STK32B: variants seen among roughly 807,000 people sequenced by gnomAD.
STK32B encodes serine/threonine-protein kinase 32B.
A neutral mutation model predicts 52.6 loss-of-function variants in STK32B; 43 were observed. The observed-to-expected ratio is 0.82, with a 90% confidence interval of 0.64 to 1.05. The LOEUF is 1.05. Among genes scored for constraint, STK32B ranks in the 50% least tolerant of loss-of-function variants. The pLI, the probability that STK32B is intolerant of heterozygous loss-of-function variation, is 0.00. For missense variants in STK32B, 621 were observed against 534.6 expected (o/e 1.16, Z -1.59); for synonymous variants, 238 against 204.3 (o/e 1.17, Z -1.41).
chr4:5,416,098 T>C (rs1044492535), intron 5 of STK32B, among the ~76,000 whole-genome samples: 9 of 152,322 alleles, frequency 5.9e-5, no homozygotes, highest in East Asian at 5.8e-4. Flanking sequence ...TGGAGTCTTA[T>C]ATGTACCAAA....
chr4:5,159,899 G>C (rs1477467829), intron 2 of STK32B, among the ~76,000 whole-genome samples: 2 of 151,712 alleles, frequency 1.3e-5, no homozygotes, highest in Non-Finnish European at 2.9e-5. Flanking sequence ...GGCTGGAGAC[G>C]CAGGAAGGAG....
chr4:5,041,247 C>T, the STK32B span, among the ~76,000 whole-genome samples: 1 of 152,116 alleles, frequency 6.6e-6, no homozygotes, highest in Admixed American at 6.5e-5. Context: ...CAAATATGTG[C>T]AAGCAGACAA....
At chr4:5,176,444 T>TA (rs1719907789) in intron 3 of STK32B, among the ~76,000 whole-genome samples, 2 of 149,516 alleles carry the variant, frequency 1.3e-5, no homozygotes, top group East Asian at 3.9e-4. Flanking sequence ...TCATCTTTTT[T>TA]TTTTTTTTTT....
At position 5,178,136 on chromosome 4, in the gene STK32B, A is replaced by G. The variant is rs188882645; in HGVS notation, c.260+9686A>G. The stretch of plus-strand genomic sequence containing the variant: ...TCCATAAGGGCTCTGCCCCTGCAGC[A>G]GACTTCTGCTTGGAGATCCAAGTGT... On this transcript the variant is annotated intron_variant, in intron 3 of 11. Coordinates refer to ENST00000282908, the MANE Select transcript of STK32B (RefSeq NM_018401.3). Among the ~76,000 whole-genome samples, 347 of 152,362 alleles carry G rather than the reference A, an allele frequency of 2.3e-3. 4 individuals carry two copies. The highest frequency in any genetic ancestry group is 7.4e-3 in the African/African-American group (307 of 41,594).
intron 3 of STK32B, among the ~76,000 whole-genome samples, chr4:5,324,923 C>T (rs779235305): frequency 6.6e-6 from 1 of 152,192 alleles, no homozygotes; most frequent in Non-Finnish European, 1.5e-5. Context: ...CCCACTAAAT[C>T]CTTGGCTTCT....
Position 5,498,954 on chromosome 4 carries a change from G to T in STK32B, c.1116G>T (p.Arg372Ser). The change falls in exon 12 of 12, where the codon AGG becomes AGT. Residue 372 changes from arginine to serine, a missense_variant. Physicochemically the swap from Arg to Ser is moderately radical, Grantham distance 110 (BLOSUM62 -1). Coordinates refer to ENST00000282908, the MANE Select transcript of STK32B (RefSeq NM_018401.3). ...CTGTGCTTGTTTGCAGGCTCAGGAGGCAGCAGGGACAGGGCAGCCAGCTCT... is the reference window on the plus strand; with the variant it reads ...CTGTGCTTGTTTGCAGGCTCAGGAGTCAGCAGGGACAGGGCAGCCAGCTCT... The part of the protein sequence containing the change: ...FIIFNREKLR[R>S]QQGQGSQLLD... The T allele has an allele frequency of 6.2e-7, 1 of 1,612,156 alleles. No homozygotes were observed. The highest frequency in any genetic ancestry group is 1.1e-5 in the South Asian group (1 of 90,756).
chr4:5,184,317 G>A (rs1361538520), intron 3 of STK32B, among the ~76,000 whole-genome samples: 7 of 152,118 alleles, frequency 4.6e-5, no homozygotes, highest in Non-Finnish European at 1.0e-4. Flanking sequence ...TGAGGTAGGG[G>A]AACAACCAGC....
At chr4:5,344,021 CAG>C (rs1400655256) in intron 4 of STK32B, among the ~76,000 whole-genome samples, 3 of 152,172 alleles carry the variant, frequency 2.0e-5, no homozygotes, top group African/African-American at 7.2e-5. Context: ...GAAGGCTGTT[CAG>C]AGTCTCCACG....
At chr4:5,286,846 G>C (rs1728578667) in intron 3 of STK32B, among the ~76,000 whole-genome samples, 1 of 138,452 alleles carries the variant, frequency 7.2e-6, no homozygotes, top group Non-Finnish European at 1.5e-5. Context: ...CACCAAGGCT[G>C]GAGTGCAGTG....
intron 2 of STK32B, among the ~76,000 whole-genome samples, chr4:5,150,718 C>CT (rs1471164783): frequency 6.6e-6 from 1 of 151,952 alleles, no homozygotes; most frequent in East Asian, 1.9e-4. Context: ...GAGTTCTCCT[C>CT]TTGGATACTC....
intron 3 of STK32B, among the ~76,000 whole-genome samples, chr4:5,194,111 G>A (rs1721453238): frequency 6.6e-6 from 1 of 152,144 alleles, no homozygotes; most frequent in African/African-American, 2.4e-5. Context: ...TTGCCTGTTT[G>A]ATTTCAGCAC....
At chr4:5,444,074 C>T (rs1715090110) in intron 6 of STK32B, among the ~76,000 whole-genome samples, 1 of 152,170 alleles carries the variant, frequency 6.6e-6, no homozygotes, top group South Asian at 2.1e-4. Context: ...GCCCTGCCCC[C>T]AGAGGTGGAG....
intron 3 of STK32B, among the ~76,000 whole-genome samples, chr4:5,264,721 A>G (rs1289358149): frequency 1.3e-5 from 2 of 152,054 alleles, no homozygotes; most frequent in East Asian, 1.9e-4. Flanking sequence ...CAGGAGGCGG[A>G]GCTTGCAGTG....
intron 4 of STK32B, among the ~76,000 whole-genome samples, chr4:5,343,185 T>G (rs988836932): frequency 5.4e-5 from 8 of 148,616 alleles, no homozygotes; most frequent in African/African-American, 2.0e-4. Flanking sequence ...CACCTATGAG[T>G]GAGAACATGT....
intron 11 of STK32B, among the ~76,000 whole-genome samples, chr4:5,479,592 C>G (rs563616152): frequency 4.0e-4 from 61 of 152,308 alleles, no homozygotes; most frequent in African/African-American, 1.5e-3. Context: ...AAAAGTTTCT[C>G]AGGACTTGAG....
chr4:5,050,978 G>T (rs577965778), upstream of STK32B, among the ~76,000 whole-genome samples: 8 of 152,172 alleles, frequency 5.3e-5, no homozygotes, highest in Non-Finnish European at 8.8e-5. Context: ...GTACAATGAA[G>T]GGGTCAGATT....
chr4:5,427,457 G>T (rs943601663), intron 6 of STK32B, among the ~76,000 whole-genome samples: 1 of 152,160 alleles, frequency 6.6e-6, no homozygotes. Flanking sequence ...ATATGCCCAA[G>T]ATTGGTATTA....
In STK32B at chr4:5,158,740, C is replaced by G. The variant is rs868368944; in HGVS notation, c.109-9559C>G. Among the ~76,000 whole-genome samples, 50 of 152,274 alleles carry G rather than the reference C, an allele frequency of 3.3e-4. 1 individual carries two copies. The highest frequency in any genetic ancestry group is 1.1e-3 in the African/African-American group (44 of 41,568). ...TTGGCTTGCAGATGCCATCTTCTCCCTGCGTCCTCACATGGTCATCCCTCT... is the reference window on the plus strand; with the variant it reads ...TTGGCTTGCAGATGCCATCTTCTCCGTGCGTCCTCACATGGTCATCCCTCT... On this transcript the variant is annotated intron_variant, in intron 2 of 11. Coordinates refer to ENST00000282908, the MANE Select transcript of STK32B (RefSeq NM_018401.3).
chr4:5,332,673 AGT>A (rs1220530659), intron 4 of STK32B, among the ~76,000 whole-genome samples: 2 of 151,964 alleles, frequency 1.3e-5, no homozygotes, highest in African/African-American at 4.8e-5. Context: ...CAGTCCCCAG[AGT>A]GTGATGTTCC....
Sources: gnomAD v4.1 joint callset for allele counts (sites outside exome capture counted in the v4.1 genomes callset) on GRCh38, gnomAD v4.1.1 for gene constraint, MANE v1.5 for transcripts, NCBI Gene and HGNC (gene_info 2026-07-23, HGNC 2026-07-21) for gene names.